The following SPIDR variants were observed in gnomAD, a reference collection of about 807,000 sequenced individuals.
SPIDR encodes DNA repair-scaffolding protein.
Under a neutral mutation model 104.6 loss-of-function variants are expected in SPIDR, and 93 were observed. That is an observed-to-expected ratio of 0.89 (90% CI 0.75 to 1.06). SPIDR has a LOEUF of 1.06. SPIDR is among the 50% of genes least tolerant of loss of function. The pLI is 0.00. For synonymous variants in SPIDR, 431 were observed against 416.9 expected (o/e 1.03, Z -0.41); for missense variants, 1,154 against 1,111.2 (o/e 1.04, Z -0.55).
chr8:47,346,681 A>T (rs1388506115), intron 5 of SPIDR, among the ~76,000 whole-genome samples: 2 of 152,110 alleles, frequency 1.3e-5, no homozygotes, highest in East Asian at 3.8e-4. Flanking sequence ...TTCCTGGTTT[A>T]GTCTTGGGAG....
intron 7 of SPIDR, among the ~76,000 whole-genome samples, chr8:47,425,029 C>T (rs1218161374): frequency 6.6e-6 from 1 of 152,104 alleles, no homozygotes; most frequent in African/African-American, 2.4e-5. Flanking sequence ...AGATCACTTC[C>T]GTTAGCTAAT....
chr8:47,530,723 A>T (rs1345479466), intron 8 of SPIDR, among the ~76,000 whole-genome samples: 1 of 152,100 alleles, frequency 6.6e-6, no homozygotes, highest in African/African-American at 2.4e-5. Flanking sequence ...AATTTATAAA[A>T]AAGCATTTCT....
chr8:47,647,651 A>AGAGAGAGG (rs1563416092), intron 10 of SPIDR, among the ~76,000 whole-genome samples: 2 of 122,062 alleles, frequency 1.6e-5, no homozygotes, highest in Non-Finnish European at 3.7e-5. Context: ...AGAGAGAGAG[A>AGAGAGAGG]GAGGGAGAGA....
rs781959280 is a variant in SPIDR, at chr8:47,295,363, A to C, written c.525+1333A>C. Among the ~76,000 whole-genome samples the C allele has an allele frequency of 8.5e-5, 13 of 152,286 alleles. No individual in the cohort carries two copies. In the South Asian group the frequency reaches 2.5e-3, roughly 29 times the overall value. On this transcript the variant is annotated intron_variant, in intron 5 of 19. Transcript: ENST00000297423. ...AAATTGTAAAATACAATGCACTATT[A>C]TTATAGTCTTCATTCTGTGTATTAG...
At chr8:47,293,655 C>T (rs1386719650) in intron 4 of SPIDR, among the ~76,000 whole-genome samples, 2 of 152,106 alleles carry the variant, frequency 1.3e-5, no homozygotes, top group Non-Finnish European at 2.9e-5. Context: ...ATCTTGTTGG[C>T]CAGGCTAGTC....
intron 6 of SPIDR, among the ~76,000 whole-genome samples, chr8:47,405,566 TG>T (rs1436225226): frequency 1.3e-5 from 2 of 152,202 alleles, no homozygotes; most frequent in African/African-American, 4.8e-5. Context: ...TTTATAGAAA[TG>T]TTTACCAATG....
rs1363442147 is a variant in SPIDR at position 47,493,038 on chromosome 8, A to AGTGTGTGTGTGTGTGTGT, written c.1097+52499_1097+52500insTGTGTGTGTGTGTGTGTG. On this transcript the variant is annotated intron_variant, in intron 8 of 19. Coordinates refer to ENST00000297423, the MANE Select transcript of SPIDR (RefSeq NM_001080394.4). The stretch of plus-strand genomic sequence containing the variant: ...ATTGGAGAGAGAGAGAGAGAGAGAG[A>AGTGTGTGTGTGTGTGTGT]GTGAGTGTGTGTGTGTGTGTGTGTG... Among the ~76,000 whole-genome samples, 3 of 64,810 alleles carry AGTGTGTGTGTGTGTGTGT rather than the reference A, an allele frequency of 4.6e-5. No individual in the cohort carries two copies. The Admixed American group carries it at 4.9e-4, about 11-fold the overall frequency. 42.5% of individuals were successfully genotyped at this position (64,810 alleles called of 152,430 possible). A position where few individuals can be genotyped will look rare whatever the true frequency, so the allele number is the denominator to read the frequency against.
chr8:47,642,821 A>G (rs2069403058), intron 10 of SPIDR, among the ~76,000 whole-genome samples: 1 of 152,164 alleles, frequency 6.6e-6, no homozygotes, highest in South Asian at 2.1e-4. Context: ...AGGCAAGAGG[A>G]TCGTTTGAGG....
chr8:47,728,568 G>A (rs149759143), intron 17 of SPIDR, among the ~76,000 whole-genome samples: 1,649 of 152,256 alleles, frequency 0.011, 38 homozygotes, highest in African/African-American at 0.037. Context: ...GTGCAGGCAT[G>A]CAGGGTAGCA....
intron 10 of SPIDR, among the ~76,000 whole-genome samples, chr8:47,663,881 C>G (rs1429387550): frequency 2.6e-5 from 4 of 152,206 alleles, no homozygotes; most frequent in Non-Finnish European, 5.9e-5. Flanking sequence ...AGTGGATTCT[C>G]TCTCCAACAA....
At chr8:47,452,419 T>C (rs2071984422) in intron 8 of SPIDR, among the ~76,000 whole-genome samples, 1 of 152,020 alleles carries the variant, frequency 6.6e-6, no homozygotes, top group South Asian at 2.1e-4. Flanking sequence ...AAAAAGACAA[T>C]TTTAGACCAA....
At chr8:47,372,530 G>T (rs2154295896) in intron 5 of SPIDR, among the ~76,000 whole-genome samples, 1 of 152,224 alleles carries the variant, frequency 6.6e-6, no homozygotes, top group South Asian at 2.1e-4. Context: ...GGAAGCTGAG[G>T]CAGGAGAATC....
At chr8:47,356,775 A>C (rs2054635080) in intron 5 of SPIDR, among the ~76,000 whole-genome samples, 1 of 152,168 alleles carries the variant, frequency 6.6e-6, no homozygotes, top group African/African-American at 2.4e-5. Flanking sequence ...CTAAAGTAAG[A>C]CCAGTATGAA....
intron 5 of SPIDR, among the ~76,000 whole-genome samples, chr8:47,325,976 A>C (rs1385872664): frequency 6.6e-6 from 1 of 152,138 alleles, no homozygotes; most frequent in Non-Finnish European, 1.5e-5. Flanking sequence ...ATCTTTTTCC[A>C]AAATAAGCTT....
At position 47,284,095 on chromosome 8, in the gene SPIDR, G is replaced by T. The variant is rs2038335937; in HGVS notation, c.256+1G>T. ...GAATTATGCCCTAGACCCAAGCAAG[G>T]TAACTATTTTGTTGATTTCTTGACA... On this transcript the variant is annotated splice_donor_variant, in intron 3 of 19. Coordinates refer to ENST00000297423, the MANE Select transcript of SPIDR (RefSeq NM_001080394.4). LOFTEE classifies it high-confidence loss of function. 1 of 1,606,258 alleles carries T rather than the reference G, an allele frequency of 6.2e-7. No homozygotes were observed. The highest frequency in any genetic ancestry group is 8.5e-7 in the Non-Finnish European group (1 of 1,176,246).
At chr8:47,554,542 C>G (rs1187861285) in intron 8 of SPIDR, among the ~76,000 whole-genome samples, 2 of 152,234 alleles carry the variant, frequency 1.3e-5, no homozygotes, top group Admixed American at 1.3e-4. Context: ...GCATGGAACC[C>G]TCTGAGCCAT....
intron 10 of SPIDR, among the ~76,000 whole-genome samples, chr8:47,617,138 T>C (rs564229876): frequency 6.6e-6 from 1 of 152,320 alleles, no homozygotes; most frequent in African/African-American, 2.4e-5. Context: ...ACTATCAACA[T>C]GATGTATCTC....
At chr8:47,576,381 C>T (rs891951546) in intron 8 of SPIDR, among the ~76,000 whole-genome samples, 1 of 152,238 alleles carries the variant, frequency 6.6e-6, no homozygotes, top group Non-Finnish European at 1.5e-5. Context: ...GAACTCCTGA[C>T]CTCAGGTGAT....
chr8:47,379,863 G>T (rs1554644463), intron 5 of SPIDR, among the ~76,000 whole-genome samples: 1 of 152,138 alleles, frequency 6.6e-6, no homozygotes, highest in Non-Finnish European at 1.5e-5. Context: ...ACAGCTCAGG[G>T]CTGTCCACTC....
Sources: gnomAD v4.1 joint callset for allele counts (sites outside exome capture counted in the v4.1 genomes callset) on GRCh38, gnomAD v4.1.1 for gene constraint, MANE v1.5 for transcripts, NCBI Gene and HGNC (gene_info 2026-07-23, HGNC 2026-07-21) for gene names.